SLIT3: variants seen among roughly 807,000 people sequenced by gnomAD.
SLIT3 encodes the protein slit guidance ligand 3, also known as slit homolog 3 protein.
In SLIT3, 68 loss-of-function variants were observed where a neutral mutation model predicts 184.0. The observed-to-expected ratio is 0.37, with a 90% confidence interval of 0.30 to 0.45. The LOEUF is 0.45. Among genes scored for constraint, SLIT3 ranks in the 20% least tolerant of loss-of-function variants. The pLI is 1.00. For synonymous variants in SLIT3, 831 were observed against 828.6 expected (o/e 1.00, Z -0.05); for missense variants, 1,707 against 2,026.0 (o/e 0.84, Z 3.02).
intron 1 of SLIT3, among the ~76,000 whole-genome samples, chr5:169,290,518 C>T (rs1287215528): frequency 6.7e-6 from 1 of 149,576 alleles, no homozygotes; most frequent in Non-Finnish European, 1.5e-5. Context: ...AGTGCATGCG[C>T]TAGGGCATAT....
intron 20 of SLIT3, among the ~76,000 whole-genome samples, chr5:168,725,171 A>T (rs1036276583): frequency 4.0e-4 from 61 of 152,134 alleles, no homozygotes; most frequent in African/African-American, 1.4e-3. Context: ...GGTTGCACCC[A>T]ACAGATGGGG....
intron 3 of SLIT3, among the ~76,000 whole-genome samples, chr5:169,206,464 G>T (rs538347936): frequency 8.5e-5 from 13 of 152,198 alleles, no homozygotes; most frequent in Non-Finnish European, 1.5e-4. Context: ...AATTGAAATA[G>T]AAATACTCTA....
intron 4 of SLIT3, among the ~76,000 whole-genome samples, chr5:169,006,825 G>T (rs1441160449): frequency 6.6e-6 from 1 of 152,118 alleles, no homozygotes; most frequent in African/African-American, 2.4e-5. Context: ...GGACATGAGA[G>T]TCGAGCCCCT....
intron 1 of SLIT3, among the ~76,000 whole-genome samples, chr5:169,293,840 A>G (rs982476227): frequency 2.6e-5 from 4 of 152,242 alleles, no homozygotes; most frequent in African/African-American, 4.8e-5. Flanking sequence ...AGTGGGGAAG[A>G]AAGGTTAGCC....
chr5:169,015,968 A>C (rs755697185), intron 4 of SLIT3, among the ~76,000 whole-genome samples: 4,563 of 137,718 alleles, frequency 0.033, 115 homozygotes, highest in Middle Eastern at 0.072. Context: ...ACACACACAC[A>C]CACACACACA....
At chr5:168,985,121 A>G (rs1755080179) in intron 4 of SLIT3, among the ~76,000 whole-genome samples, 1 of 152,210 alleles carries the variant, frequency 6.6e-6, no homozygotes, top group Non-Finnish European at 1.5e-5. Context: ...AAGATCAGGG[A>G]TGTTCAGAGT....
chr5:168,937,875 T>C (rs1762209597), intron 4 of SLIT3, among the ~76,000 whole-genome samples: 1 of 142,532 alleles, frequency 7.0e-6, no homozygotes. Context: ...TTATAATCAT[T>C]ATGCATTTTT....
At chr5:168,932,262 T>G (rs10053837) in intron 4 of SLIT3, among the ~76,000 whole-genome samples, 76 of 66,912 alleles carry the variant, frequency 1.1e-3, no homozygotes, top group Middle Eastern at 6.2e-3. Context: ...TGTTGTGTTT[T>G]TTTTTTTTTT....
chr5:168,872,788 C>A (rs574925493), intron 5 of SLIT3, among the ~76,000 whole-genome samples: 1 of 151,810 alleles, frequency 6.6e-6, no homozygotes, highest in East Asian at 1.9e-4. Context: ...CTACAGGCAC[C>A]CGCCACCACA....
At chr5:168,937,272 T>G (rs1762188222) in intron 4 of SLIT3, among the ~76,000 whole-genome samples, 1 of 152,092 alleles carries the variant, frequency 6.6e-6, no homozygotes, top group Non-Finnish European at 1.5e-5. Context: ...GGATTTTCAT[T>G]ATCGTTTCTA....
At chr5:168,968,344 A>G (rs1416805456) in intron 4 of SLIT3, among the ~76,000 whole-genome samples, 1 of 152,142 alleles carries the variant, frequency 6.6e-6, no homozygotes, top group Non-Finnish European at 1.5e-5. Context: ...TCTCTTCCCA[A>G]ATATGGCAGG....
Position 168,669,824 on chromosome 5 carries a change from C to T in SLIT3, c.4295G>A (p.Cys1432Tyr). The T allele has an allele frequency of 6.2e-7, 1 of 1,614,086 alleles. No individual in the cohort carries two copies. The highest frequency in any genetic ancestry group is 8.5e-7 in the Non-Finnish European group (1 of 1,180,044). Residue 1432 changes from cysteine (C) to tyrosine (Y), a missense_variant, in exon 35 of 36, where the codon TGC becomes TAC. By Grantham distance (194) the Cys-to-Tyr change is radical (BLOSUM62 -2). Transcript: ENST00000519560. ...CHISDQGEPY[C>Y]LCQPGFSGEH... is the part of the protein sequence containing the mutation. ...GCCGCTAAAGCCGGGCTGGCACAGG[C>T]AGTAGGGCTCCCCTTGGTCTGAGAT...
intron 4 of SLIT3, among the ~76,000 whole-genome samples, chr5:168,952,247 T>C (rs1190713946): frequency 2.0e-5 from 3 of 152,152 alleles, no homozygotes; most frequent in Admixed American, 2.0e-4. Context: ...CAAAATAGGA[T>C]GCTGTGGGCA....
At chr5:168,864,821 C>T (rs1457937522) in intron 5 of SLIT3, among the ~76,000 whole-genome samples, 3 of 152,176 alleles carry the variant, frequency 2.0e-5, no homozygotes, top group Non-Finnish European at 4.4e-5. Context: ...CAGATTTTCC[C>T]TACTCTGGTA....
At chr5:168,710,849 A>C in intron 25 of SLIT3, 46 bp downstream of exon 25, 1 of 1,427,494 alleles carries the variant, frequency 7.0e-7, no homozygotes, top group South Asian at 1.5e-5. Flanking sequence ...GGAACACAGC[A>C]GACCCCAAGA....
intron 4 of SLIT3, among the ~76,000 whole-genome samples, chr5:168,950,249 G>T (rs1032318903): frequency 6.6e-6 from 1 of 152,106 alleles, no homozygotes; most frequent in Non-Finnish European, 1.5e-5. Context: ...CACCTTCTAT[G>T]ATCCAGGAAA....
chr5:169,242,820 G>A (rs1351851407), intron 3 of SLIT3, among the ~76,000 whole-genome samples: 1 of 152,166 alleles, frequency 6.6e-6, no homozygotes, highest in Middle Eastern at 3.2e-3. Flanking sequence ...CCCCAGACAT[G>A]CATGGGTATT....
intron 1 of SLIT3, among the ~76,000 whole-genome samples, chr5:169,277,817 T>A (rs1766863295): frequency 6.6e-6 from 1 of 152,242 alleles, no homozygotes; most frequent in Admixed American, 6.5e-5. Context: ...ACGTTTAAAT[T>A]TTTAAGAAAC....
intron 4 of SLIT3, among the ~76,000 whole-genome samples, chr5:168,907,975 TATATAGAGAG>T (rs1253071360): frequency 4.6e-5 from 3 of 64,654 alleles, no homozygotes; most frequent in Admixed American, 1.8e-4. Context: ...TATATATATA[TATATAGAGAG>T]AGAGAGAGAG....
Sources: allele counts gnomAD v4.1 joint callset (sites outside exome capture counted in the v4.1 genomes callset), GRCh38; gene constraint gnomAD v4.1.1; transcripts MANE v1.5; gene names NCBI Gene and HGNC (gene_info 2026-07-23, HGNC 2026-07-21).